The following DNAH6 variants were observed in gnomAD, a reference collection of about 807,000 sequenced individuals.
DNAH6 encodes axonemal beta dynein heavy chain 6.
DNAH6 carries 340 observed loss-of-function variants against 491.4 expected under a neutral mutation model. The observed-to-expected ratio is 0.69, with a 90% CI of 0.63 to 0.76. The LOEUF (loss-of-function observed/expected upper bound fraction) is 0.76, where lower values mean the gene tolerates loss of function less well. Among genes scored for constraint, DNAH6 ranks in the 30% least tolerant of loss-of-function variants. DNAH6 has a pLI of 0.00. For synonymous variants in DNAH6, 1,603 were observed against 1,686.1 expected (o/e 0.95, Z 1.21); for missense variants, 4,443 against 4,972.2 (o/e 0.89, Z 3.20).
chr2:84,699,544 T>C, intron 47 of DNAH6, 50 bp from the exon 48 acceptor site: 1 of 1,487,188 alleles, frequency 6.7e-7, no homozygotes, highest in Non-Finnish European at 9.1e-7. Context: ...TTATTTTCAT[T>C]GTTGCTTAAT....
chr2:84,712,545 G>C (rs1573570949), intron 56 of DNAH6, among the ~76,000 whole-genome samples: 1 of 152,332 alleles, frequency 6.6e-6, no homozygotes. Context: ...GGGAGTAAAT[G>C]TTTCAGTTTT....
intron 61 of DNAH6, among the ~76,000 whole-genome samples, chr2:84,732,271 A>G (rs972991370): frequency 1.3e-5 from 2 of 148,406 alleles, no homozygotes; most frequent in Non-Finnish European, 3.0e-5. Flanking sequence ...GAGTTTTTTC[A>G]GTTTTTGGAA....
At chr2:84,597,889 G>T (rs551244149) in intron 18 of DNAH6, among the ~76,000 whole-genome samples, 1 of 152,292 alleles carries the variant, frequency 6.6e-6, no homozygotes, top group East Asian at 1.9e-4. Context: ...GGGAGGCCAA[G>T]GTGGGAGGAT....
At chr2:84,679,271 A>G (rs1693546001) in intron 41 of DNAH6, among the ~76,000 whole-genome samples, 1 of 152,210 alleles carries the variant, frequency 6.6e-6, no homozygotes, top group Non-Finnish European at 1.5e-5. Context: ...TTAGTTAAAT[A>G]GTGCATATAT....
chr2:84,594,509 G>A (rs1293135103), intron 17 of DNAH6, among the ~76,000 whole-genome samples: 1 of 152,116 alleles, frequency 6.6e-6, no homozygotes, highest in Non-Finnish European at 1.5e-5. Context: ...TAAAATCTAG[G>A]ATCTTCCTTT....
At chr2:84,692,639 C>T (rs560559218) in intron 45 of DNAH6, among the ~76,000 whole-genome samples, 1 of 152,202 alleles carries the variant, frequency 6.6e-6, no homozygotes, top group South Asian at 2.1e-4. Flanking sequence ...GATGTTATCA[C>T]CCCCTTTTCT....
chr2:84,690,938 CG>C (rs1188755547), intron 45 of DNAH6, among the ~76,000 whole-genome samples: 2 of 152,104 alleles, frequency 1.3e-5, no homozygotes, highest in South Asian at 4.1e-4. Flanking sequence ...TCTTTTAACT[CG>C]GGGGGAAAAA....
the DNAH6 span, among the ~76,000 whole-genome samples, chr2:84,489,496 C>T: frequency 1.3e-5 from 2 of 152,080 alleles, no homozygotes; most frequent in Non-Finnish European, 2.9e-5. Flanking sequence ...TGGACAAGTT[C>T]CTTCCAAGGC....
At chr2:84,521,093 G>T (rs1432085044) in intron 2 of DNAH6, among the ~76,000 whole-genome samples, 4 of 151,348 alleles carry the variant, frequency 2.6e-5, no homozygotes, top group African/African-American at 9.7e-5. Context: ...CTTAATGGTG[G>T]CATAGTATCT....
chr2:84,642,347 C>T (rs893753488), intron 33 of DNAH6, among the ~76,000 whole-genome samples: 2 of 152,134 alleles, frequency 1.3e-5, no homozygotes, highest in African/African-American at 4.8e-5. Flanking sequence ...CAAAAAAAGT[C>T]AGACTTGGGG....
At position 84,706,063 on chromosome 2, in the gene DNAH6, G is replaced by A. The variant is rs77562544; in HGVS notation, c.8727+316G>A. On this transcript the variant is annotated intron_variant, in intron 52 of 76. Transcript: ENST00000389394. ...GTATTTCCGTTTGCTAAATACTTCC[G>A]TGCTTGATGGTGTCATCTGAGGTTT... 2.4e-3 allele frequency among the ~76,000 whole-genome samples: 367 copies of A among 152,210 alleles called. 2 individuals carry two copies. Among genetic ancestry groups the A allele is most frequent in the South Asian group, 0.011 (53 of 4,808 alleles).
intron 16 of DNAH6, 144 bp from the exon 17 acceptor site, chr2:84,593,828 G>C: frequency 8.4e-6 from 3 of 355,580 alleles, no homozygotes; most frequent in Non-Finnish European, 1.5e-5. Flanking sequence ...TTCTTCATCT[G>C]TTTCTAGTGC....
chr2:84,489,594 A>G, the DNAH6 span, among the ~76,000 whole-genome samples: 1 of 151,818 alleles, frequency 6.6e-6, no homozygotes, highest in African/African-American at 2.4e-5. Flanking sequence ...TTCTTTCTCT[A>G]TTCTTCTTTC....
chr2:84,580,924 C>T (rs543818463), intron 14 of DNAH6, among the ~76,000 whole-genome samples: 24 of 152,200 alleles, frequency 1.6e-4, no homozygotes, highest in Admixed American at 7.8e-4. Context: ...TTCCTTCCAT[C>T]TCTCCTCTCT....
intron 15 of DNAH6, among the ~76,000 whole-genome samples, chr2:84,587,704 C>T (rs1683705124): frequency 6.6e-6 from 1 of 152,190 alleles, no homozygotes; most frequent in Non-Finnish European, 1.5e-5. Context: ...GATTTTAATT[C>T]AGCTGAAAAT....
intron 68 of DNAH6, among the ~76,000 whole-genome samples, chr2:84,792,367 A>G (rs913360506): frequency 2.6e-5 from 4 of 152,216 alleles, no homozygotes; most frequent in African/African-American, 9.7e-5. Flanking sequence ...AAGAGAGTAG[A>G]TTTCATGTTA....
At chr2:84,580,770 C>G (rs915658699) in intron 14 of DNAH6, among the ~76,000 whole-genome samples, 3 of 151,790 alleles carry the variant, frequency 2.0e-5, no homozygotes, top group African/African-American at 7.3e-5. Flanking sequence ...ATAACCCAAA[C>G]CCACTTGAGA....
At chr2:84,719,818 C>T (rs917422642) in intron 59 of DNAH6, among the ~76,000 whole-genome samples, 3 of 151,916 alleles carry the variant, frequency 2.0e-5, no homozygotes, top group Non-Finnish European at 4.4e-5. Context: ...ACCACTGTGC[C>T]GGCCAAGGCA....
In DNAH6 at chr2:84,653,719, G is replaced by T; in HGVS notation, c.5479G>T (p.Asp1827Tyr). The change falls in exon 34 of 77, where the codon GAT (aspartate) becomes TAT (tyrosine). Residue 1827 changes from aspartate to tyrosine, a missense_variant. Transcript: ENST00000389394. ...MALSVRAAVN[D>Y]TSEDHKWIIS... The stretch of plus-strand genomic sequence containing the variant: ...ACTAAGTGTCCGAGCAGCTGTGAAT[G>T]ATACTTCAGAAGACCATAAATGGAT... The T allele has an allele frequency of 6.4e-7, 1 of 1,551,308 alleles. No individual in the cohort carries two copies. The highest frequency in any genetic ancestry group is 1.2e-5 in the South Asian group (1 of 84,038).
Sources: allele counts gnomAD v4.1 joint callset (sites outside exome capture counted in the v4.1 genomes callset), GRCh38; gene constraint gnomAD v4.1.1; transcripts MANE v1.5; gene names NCBI Gene and HGNC (gene_info 2026-07-23, HGNC 2026-07-21).